NEDD4L: variants seen among roughly 807,000 people sequenced by gnomAD.
The protein encoded by NEDD4L is E3 ubiquitin-protein ligase NEDD4-like.
In NEDD4L, 54 loss-of-function variants were observed where a neutral mutation model predicts 148.9. The observed-to-expected ratio is 0.36, with a 90% confidence interval of 0.29 to 0.45. The LOEUF is 0.45. Ranked by LOEUF, NEDD4L falls within the 20% of genes least tolerant of loss-of-function variation. The pLI is 1.00. For missense variants in NEDD4L, 856 were observed against 1,233.8 expected (o/e 0.69, Z 4.59); for synonymous variants, 433 against 440.7 (o/e 0.98, Z 0.22).
At chr18:58,363,914 A>G (rs1194185280) in intron 19 of NEDD4L, among the ~76,000 whole-genome samples, 1 of 152,222 alleles carries the variant, frequency 6.6e-6, no homozygotes, top group Non-Finnish European at 1.5e-5. Flanking sequence ...GTATTTAGCC[A>G]ATAACTCTTA....
chr18:58,148,609 G>C (rs1303845287), intron 1 of NEDD4L, among the ~76,000 whole-genome samples: 1 of 152,210 alleles, frequency 6.6e-6, no homozygotes, highest in East Asian at 1.9e-4. Context: ...CGAAGCCCCA[G>C]TGTCTCTCTG....
At chr18:58,259,735 A>G (rs550978640) in intron 5 of NEDD4L, among the ~76,000 whole-genome samples, 3 of 152,336 alleles carry the variant, frequency 2.0e-5, no homozygotes, top group South Asian at 2.1e-4. Context: ...CCACCCGGAC[A>G]AAAGCAGTAA....
At chr18:58,157,510 G>A (rs543566771) in intron 1 of NEDD4L, among the ~76,000 whole-genome samples, 1 of 151,902 alleles carries the variant, frequency 6.6e-6, no homozygotes, top group East Asian at 1.9e-4. Flanking sequence ...TTATTTCAGT[G>A]GCACATGTAA....
chr18:58,168,992 C>A (rs537470733), intron 2 of NEDD4L, among the ~76,000 whole-genome samples: 4 of 152,056 alleles, frequency 2.6e-5, no homozygotes, highest in Non-Finnish European at 4.4e-5. Context: ...TGGAGCACGT[C>A]ATCTCTCCTT....
chr18:58,365,929 G>T lies in NEDD4L; in HGVS notation c.1834-70G>T, dbSNP rs918130701. 3 of 1,102,566 alleles carry T rather than the reference G, an allele frequency of 2.7e-6. No homozygotes were observed. The African/African-American group carries it at 4.7e-5, about 17-fold the overall frequency. The allele number at this position is 1,102,566 out of a possible 1,614,324, so 68.3% of individuals were successfully genotyped here. A position where few individuals can be genotyped will look rare whatever the true frequency, so the allele number is the denominator to read the frequency against. On this transcript the variant is annotated intron_variant, in intron 20 of 30. Coordinates refer to ENST00000400345, the MANE Select transcript of NEDD4L (RefSeq NM_001144967.3). Reference sequence around the variant, plus strand: ...ACTGCCAACTTTTCTACCATTTGCTGTTGTTTTTATTAGAAAACAAAGTGT... The same window carrying T: ...ACTGCCAACTTTTCTACCATTTGCTTTTGTTTTTATTAGAAAACAAAGTGT...
chr18:58,261,102 A>G (rs2148658340), intron 5 of NEDD4L, among the ~76,000 whole-genome samples: 1 of 152,370 alleles, frequency 6.6e-6, no homozygotes, highest in African/African-American at 2.4e-5. Flanking sequence ...CAAGGACAAC[A>G]TGCATTTATG....
intron 2 of NEDD4L, among the ~76,000 whole-genome samples, chr18:58,204,679 T>A (rs1021028345): frequency 2.0e-5 from 3 of 152,216 alleles, no homozygotes; most frequent in African/African-American, 4.8e-5. Context: ...TGGGAATTGC[T>A]TATGTTTCTG....
At chr18:58,253,839 C>T (rs778185501) in intron 5 of NEDD4L, among the ~76,000 whole-genome samples, 1 of 152,040 alleles carries the variant, frequency 6.6e-6, no homozygotes, top group Non-Finnish European at 1.5e-5. Flanking sequence ...AATCATACTT[C>T]CAAACCAAAA....
At chr18:58,065,325 G>A (rs1024288412) in intron 1 of NEDD4L, among the ~76,000 whole-genome samples, 1 of 152,134 alleles carries the variant, frequency 6.6e-6, no homozygotes, top group Non-Finnish European at 1.5e-5. Flanking sequence ...TTGTTTAAAG[G>A]CAAACAAAAA....
chr18:58,047,516 G>A (rs1156805555), intron 1 of NEDD4L: 2 of 985,188 alleles, frequency 2.0e-6, no homozygotes, highest in Non-Finnish European at 2.4e-6. Flanking sequence ...AGAAGGTAAG[G>A]GGTTGAGATG....
intron 28 of NEDD4L, among the ~76,000 whole-genome samples, chr18:58,389,827 TTTTATTTA>T (rs10617839): frequency 3.3e-5 from 5 of 150,408 alleles, no homozygotes; most frequent in African/African-American, 7.3e-5. Context: ...TCAAATTTAT[TTTTATTTA>T]TTTATTTATT....
intron 1 of NEDD4L, among the ~76,000 whole-genome samples, chr18:58,077,636 A>C (rs1599105628): frequency 6.6e-6 from 1 of 152,162 alleles, no homozygotes; most frequent in South Asian, 2.1e-4. Context: ...CCCAGGAATC[A>C]GTACTTTGAA....
chr18:58,137,434 G>C (rs1316179419), intron 1 of NEDD4L, among the ~76,000 whole-genome samples: 1 of 152,174 alleles, frequency 6.6e-6, no homozygotes, highest in East Asian at 1.9e-4. Context: ...GTGAGGTCGA[G>C]GTGGGTGTGA....
rs528830167 is a variant in NEDD4L, at chr18:58,137,761, A to G, written c.49-28027A>G. ...ACCACATCAAATACAGGTCTCTCAT[A>G]CTGTTGGTCAGCTCCGTTTTCCGTG... On this transcript the variant is annotated intron_variant, in intron 1 of 30. Transcript: ENST00000400345. Among the ~76,000 whole-genome samples, 30 of 152,114 alleles carry G rather than the reference A, an allele frequency of 2.0e-4. No individual in the cohort carries two copies. In the South Asian group the frequency reaches 6.0e-3, roughly 31 times the overall value.
At chr18:58,384,741 G>A (rs2048786018) in intron 25 of NEDD4L, among the ~76,000 whole-genome samples, 1 of 152,188 alleles carries the variant, frequency 6.6e-6, no homozygotes, top group Admixed American at 6.5e-5. Flanking sequence ...AGCCCAGGAG[G>A]TGCCACCTGA....
rs2046105633 is a variant in NEDD4L at position 58,366,367 on chromosome 18, C to T, written c.2063+139C>T. ...TTGTTCTCTCCTCACCCCACAGCCC[C>T]TTGCAAGTCTAGAACAGGTTCTGAC... On this transcript the variant is annotated intron_variant, in intron 21 of 30. Transcript: ENST00000400345. This position sits in a 1 kb window ranked among gnomAD's most constrained non-coding sequence, Gnocchi z 4.2. 1 of 575,208 alleles carries T rather than the reference C, an allele frequency of 1.7e-6. No individual in the cohort carries two copies. Among genetic ancestry groups the T allele is most frequent in the African/African-American group, 1.9e-5 (1 of 53,768 alleles). 35.6% of individuals were successfully genotyped at this position (575,208 alleles called of 1,614,324 possible).
At position 58,208,041 on chromosome 18, in the gene NEDD4L, TCAACAA is replaced by T. The variant is rs552503395; in HGVS notation, c.123-37367_123-37362del. Among the ~76,000 whole-genome samples, 5 of 151,940 alleles carry T rather than the reference TCAACAA, an allele frequency of 3.3e-5. No individual in the cohort carries two copies. In the South Asian group the frequency reaches 6.3e-4, roughly 19 times the overall value. On this transcript the variant is annotated intron_variant, in intron 2 of 30. Coordinates refer to ENST00000400345, the MANE Select transcript of NEDD4L (RefSeq NM_001144967.3). Reference sequence around the variant, plus strand: ...CTGAGTGACAGAGTGAGACTCTGTCTCAACAACAACAACAACAACAACAAAGAGCAG... The same window carrying T: ...CTGAGTGACAGAGTGAGACTCTGTCTCAACAACAACAACAACAAAGAGCAG...
At chr18:58,356,808 T>G (rs2044729997) in intron 18 of NEDD4L, among the ~76,000 whole-genome samples, 1 of 152,232 alleles carries the variant, frequency 6.6e-6, no homozygotes, top group African/African-American at 2.4e-5. Flanking sequence ...GTGTGTGTGT[T>G]TGTTAGCCTT....
intron 1 of NEDD4L, among the ~76,000 whole-genome samples, chr18:58,093,006 G>A (rs747808382): frequency 1.3e-5 from 2 of 151,856 alleles, no homozygotes; most frequent in Non-Finnish European, 2.9e-5. Context: ...GACTACAGGT[G>A]CCCGCCACCA....
Sources: allele counts gnomAD v4.1 joint callset (sites outside exome capture counted in the v4.1 genomes callset), GRCh38; gene constraint gnomAD v4.1.1; non-coding constraint Gnocchi (gnomAD v3.1); transcripts MANE v1.5; gene names NCBI Gene and HGNC (gene_info 2026-07-23, HGNC 2026-07-21).